The following TMEM245 variants were observed in gnomAD, a reference collection of about 807,000 sequenced individuals.
The protein encoded by TMEM245 is protein CG-2.
Under a neutral mutation model 101.2 loss-of-function variants are expected in TMEM245, and 69 were observed. That is an observed-to-expected ratio of 0.68 (90% CI 0.56 to 0.83). The LOEUF (loss-of-function observed/expected upper bound fraction) is 0.83, where lower values mean the gene tolerates loss of function less well. Ranked by LOEUF, TMEM245 falls within the 40% of genes least tolerant of loss-of-function variation. The pLI is 0.00. For synonymous variants in TMEM245, 537 were observed against 449.8 expected (o/e 1.19, Z -2.45); for missense variants, 1,075 against 1,092.8 (o/e 0.98, Z 0.23).
rs1424757423 is a variant in TMEM245 at position 109,022,477 on chromosome 9, A to ATCTG, written c.2595-1973_2595-1972insCAGA. Among the ~76,000 whole-genome samples the ATCTG allele has an allele frequency of 8.9e-4, 135 of 151,820 alleles. 1 individual carries two copies. The highest frequency in any genetic ancestry group is 3.0e-3 in the African/African-American group (125 of 41,362). ...GTATGTTTATATGCATTATCTATCT[A>ATCTG]TCTATCTATCTATCTATCTATCTAT... On this transcript the variant is annotated intron_variant, in intron 17 of 17. Coordinates refer to ENST00000374586, the MANE Select transcript of TMEM245 (RefSeq NM_032012.4).
chr9:109,060,039 A>G (rs535122057), intron 11 of TMEM245, among the ~76,000 whole-genome samples: 14 of 152,376 alleles, frequency 9.2e-5, no homozygotes, highest in East Asian at 5.8e-4. Context: ...TTCGTTTAGT[A>G]TAAGTATTAG....
chr9:109,113,773 T>C (rs955163987), intron 1 of TMEM245, among the ~76,000 whole-genome samples: 1 of 152,176 alleles, frequency 6.6e-6, no homozygotes, highest in Non-Finnish European at 1.5e-5. Flanking sequence ...TGCAGAACAG[T>C]TTCCCAAGCT....
In TMEM245 at chr9:109,119,799, T is replaced by C. The variant is rs1588089761; in HGVS notation, c.115A>G (p.Thr39Ala). 3 of 1,456,578 alleles carry C rather than the reference T, an allele frequency of 2.1e-6. No individual in the cohort carries two copies. In the East Asian group the frequency reaches 9.0e-5, roughly 44 times the overall value. 90.2% of individuals were successfully genotyped at this position (1,456,578 alleles called of 1,614,324 possible). Residue 39 changes from threonine to alanine, a missense_variant, in exon 1 of 18, where the codon ACC (threonine) becomes GCC (alanine). Thr to Ala is a moderately conservative substitution (Grantham distance 58, BLOSUM62 0). Transcript: ENST00000374586. Reference sequence around the variant, plus strand: ...TCGAAGCGCAGCGCCAGCGCCGCGGTCCGCGGGGTCTCCCCGCCACCGCCA... The same window carrying C: ...TCGAAGCGCAGCGCCAGCGCCGCGGCCCGCGGGGTCTCCCCGCCACCGCCA... ...PSGGGGETPR[T>A]AALALRFDKP...
chr9:109,051,179 C>T (rs1828668483), intron 12 of TMEM245, among the ~76,000 whole-genome samples: 1 of 151,808 alleles, frequency 6.6e-6, no homozygotes. Context: ...GTAATCCCAG[C>T]TACCTGGGAG....
At chr9:109,030,261 T>C (rs997266530) in intron 17 of TMEM245, among the ~76,000 whole-genome samples, 1 of 150,970 alleles carries the variant, frequency 6.6e-6, no homozygotes, top group African/African-American at 2.4e-5. Flanking sequence ...ATTGTCCTTA[T>C]TTTTCACTGA....
intron 9 of TMEM245, among the ~76,000 whole-genome samples, chr9:109,070,932 A>T (rs1237891696): frequency 1.3e-5 from 2 of 152,134 alleles, no homozygotes; most frequent in African/African-American, 2.4e-5. Context: ...TCCAGGCCGG[A>T]GTGCAGTGGT....
chr9:109,042,882 G>T (rs1406436446), intron 14 of TMEM245, among the ~76,000 whole-genome samples: 3 of 117,544 alleles, frequency 2.6e-5, no homozygotes, highest in Non-Finnish European at 4.9e-5. Flanking sequence ...GTGTCAATCT[G>T]TCGCCCAGGC....
At chr9:109,035,776 T>C (rs7037038) in intron 16 of TMEM245, among the ~76,000 whole-genome samples, 11,733 of 151,774 alleles carry the variant, frequency 0.077, 536 homozygotes, top group South Asian at 0.14. Context: ...ACATATGTAA[T>C]AAGAAAATAT....
At chr9:109,115,089 G>A (rs1004321162) in intron 1 of TMEM245, among the ~76,000 whole-genome samples, 7 of 152,294 alleles carry the variant, frequency 4.6e-5, no homozygotes, top group Admixed American at 1.3e-4. Context: ...GCTCATGCCT[G>A]TAATCCCAGC....
At chr9:109,112,642 A>G (rs187324806) in intron 1 of TMEM245, among the ~76,000 whole-genome samples, 1 of 152,178 alleles carries the variant, frequency 6.6e-6, no homozygotes, top group Admixed American at 6.5e-5. Flanking sequence ...AGCTATATGT[A>G]TGTTATCTCA....
At chr9:109,085,036 T>C (rs1304774048) in intron 7 of TMEM245, among the ~76,000 whole-genome samples, 1 of 152,232 alleles carries the variant, frequency 6.6e-6, no homozygotes, top group Admixed American at 6.5e-5. Context: ...GACATATATA[T>C]AGTTTTATTA....
chr9:109,028,512 C>T (rs1019743815), intron 17 of TMEM245, among the ~76,000 whole-genome samples: 1 of 151,462 alleles, frequency 6.6e-6, no homozygotes, highest in African/African-American at 2.4e-5. Context: ...GCATCATGTT[C>T]CCATTCAAAA....
At chr9:109,107,615 T>C (rs1326313286) in intron 2 of TMEM245, among the ~76,000 whole-genome samples, 1 of 152,214 alleles carries the variant, frequency 6.6e-6, no homozygotes, top group Non-Finnish European at 1.5e-5. Context: ...AATAATGCTT[T>C]GTTTGACATC....
At chr9:109,115,082 C>T (rs1416341472) in intron 1 of TMEM245, among the ~76,000 whole-genome samples, 5 of 152,198 alleles carry the variant, frequency 3.3e-5, no homozygotes, top group Non-Finnish European at 7.3e-5. Context: ...CGCAGTAGCT[C>T]ATGCCTGTAA....
intron 14 of TMEM245, among the ~76,000 whole-genome samples, chr9:109,048,906 T>G (rs1327522038): frequency 6.6e-6 from 1 of 152,182 alleles, no homozygotes; most frequent in Non-Finnish European, 1.5e-5. Flanking sequence ...ACTTAAGAGA[T>G]AAACAACGAT....
intron 3 of TMEM245, among the ~76,000 whole-genome samples, chr9:109,096,390 T>C (rs1830141308): frequency 6.6e-6 from 1 of 152,168 alleles, no homozygotes; most frequent in Admixed American, 6.5e-5. Context: ...GGCAGGAGAA[T>C]CGCTTGAACC....
chr9:109,020,287 G>C lies in TMEM245; in HGVS notation c.*173C>G, dbSNP rs1827579063. On this transcript the variant is annotated 3_prime_UTR_variant, in exon 18 of 18. Coordinates refer to ENST00000374586, the MANE Select transcript of TMEM245 (RefSeq NM_032012.4). The stretch of plus-strand genomic sequence containing the variant: ...AAGCTGTGTTTTAAAATACAAAGCA[G>C]CCCGCAGCAAGTTCTCTCTTGTCCA... 1.4e-6 allele frequency: 1 copy of C among 717,652 alleles called. No homozygotes were observed. Among genetic ancestry groups the C allele is most frequent in the African/African-American group, 1.8e-5 (1 of 56,690 alleles). The allele number at this position is 717,652 out of a possible 1,614,324, so 44.5% of individuals were successfully genotyped here.
intron 16 of TMEM245, among the ~76,000 whole-genome samples, chr9:109,034,880 G>A (rs1412161923): frequency 6.6e-6 from 1 of 152,052 alleles, no homozygotes; most frequent in Non-Finnish European, 1.5e-5. Flanking sequence ...TTTTAGGCCG[G>A]GCATCGTGGC....
chr9:109,062,205 T>G (rs1829037384), intron 10 of TMEM245, among the ~76,000 whole-genome samples: 1 of 151,144 alleles, frequency 6.6e-6, no homozygotes, highest in Admixed American at 6.6e-5. Flanking sequence ...AAGGTCTCAC[T>G]ATGTTGCCCA....
Sources: gnomAD v4.1 joint callset for allele counts (sites outside exome capture counted in the v4.1 genomes callset) on GRCh38, gnomAD v4.1.1 for gene constraint, MANE v1.5 for transcripts, NCBI Gene and HGNC (gene_info 2026-07-23, HGNC 2026-07-21) for gene names.